Variants in SLC35D4 observed in about 807,000 individuals in gnomAD.
SLC35D4 encodes the protein UDP-N-acetylglucosamine transporter SLC35D4.
the SLC35D4 span, among the ~76,000 whole-genome samples, chr18:23,320,370 C>A: frequency 6.6e-6 from 1 of 152,310 alleles, no homozygotes; most frequent in Admixed American, 6.5e-5. Flanking sequence ...AAAACAGATT[C>A]TAATCTTGCA....
the SLC35D4 span, among the ~76,000 whole-genome samples, chr18:23,411,553 G>GAAAGAAAGAAAGAAAGA: frequency 6.6e-6 from 1 of 151,132 alleles, no homozygotes; most frequent in Non-Finnish European, 1.5e-5. Context: ...AAGAAAGAAA[G>GAAAGAAAGAAAGAAAGA]GTGTGTGCTG....
At chr18:23,282,930 C>G in the SLC35D4 span, among the ~76,000 whole-genome samples, 1 of 151,994 alleles carries the variant, frequency 6.6e-6, no homozygotes, top group Non-Finnish European at 1.5e-5. Context: ...TCAAAAATAA[C>G]ATCCTAAGCC....
chr18:23,289,753 G>A, the SLC35D4 span, among the ~76,000 whole-genome samples: 21,617 of 152,032 alleles, frequency 0.14, 1,906 homozygotes, highest in African/African-American at 0.25. Flanking sequence ...CACAAAAGAA[G>A]TGAAAATGGC....
the SLC35D4 span, among the ~76,000 whole-genome samples, chr18:23,320,172 T>C: frequency 6.6e-6 from 1 of 152,346 alleles, no homozygotes; most frequent in African/African-American, 2.4e-5. Context: ...ATTTCCCTCA[T>C]GTCTCTTATG....
chr18:23,419,736 C>G, the SLC35D4 span, among the ~76,000 whole-genome samples: 1 of 151,956 alleles, frequency 6.6e-6, no homozygotes. Flanking sequence ...AAAATACGGT[C>G]TTTAAATGAG....
At chr18:23,388,671 A>C in the SLC35D4 span, among the ~76,000 whole-genome samples, 1 of 152,176 alleles carries the variant, frequency 6.6e-6, no homozygotes, top group East Asian at 1.9e-4. Context: ...CTGTGTCCCC[A>C]CCCAAATCTT....
At chr18:23,332,378 T>C in the SLC35D4 span, among the ~76,000 whole-genome samples, 5 of 152,190 alleles carry the variant, frequency 3.3e-5, no homozygotes, top group African/African-American at 9.7e-5. Context: ...TTTGTTTCTC[T>C]TGGGTAAATA....
At chr18:23,356,766 T>A in the SLC35D4 span, 14 of 961,748 alleles carry the variant, frequency 1.5e-5, no homozygotes, top group Non-Finnish European at 2.2e-5. The surrounding 1 kb of genome is among the most constrained non-coding windows in gnomAD (Gnocchi z 4.1). Flanking sequence ...AGCAGTCCTG[T>A]GCTTTCAGTC....
At chr18:23,414,888 G>A in the SLC35D4 span, among the ~76,000 whole-genome samples, 1 of 152,268 alleles carries the variant, frequency 6.6e-6, no homozygotes, top group East Asian at 1.9e-4. Context: ...GCCATCAGGA[G>A]GACTGCTTGA....
the SLC35D4 span, among the ~76,000 whole-genome samples, chr18:23,241,669 C>G: frequency 6.6e-6 from 1 of 152,170 alleles, no homozygotes; most frequent in Non-Finnish European, 1.5e-5. Context: ...TTTTTAATTT[C>G]TCTTGGGGTA....
At chr18:23,412,533 C>A in the SLC35D4 span, among the ~76,000 whole-genome samples, 1 of 151,892 alleles carries the variant, frequency 6.6e-6, no homozygotes, top group Non-Finnish European at 1.5e-5. Flanking sequence ...CTTACTGCCC[C>A]CTTTCTCCCT....
the SLC35D4 span, among the ~76,000 whole-genome samples, chr18:23,372,746 T>G: frequency 2.6e-5 from 4 of 152,302 alleles, no homozygotes; most frequent in East Asian, 7.7e-4. Flanking sequence ...GGCCCCCCTG[T>G]GTGATAACAA....
chr18:23,347,365 AAC>A, the SLC35D4 span, among the ~76,000 whole-genome samples: 84 of 152,092 alleles, frequency 5.5e-4, no homozygotes, highest in African/African-American at 2.0e-3. Context: ...GATCAGTAGT[AAC>A]ATCTTTTTCA....
the SLC35D4 span, among the ~76,000 whole-genome samples, chr18:23,255,046 A>T: frequency 6.6e-6 from 1 of 152,072 alleles, no homozygotes; most frequent in Non-Finnish European, 1.5e-5. Context: ...AATAGTTTTG[A>T]TGGGCTGTGG....
At chr18:23,262,799 T>C in the SLC35D4 span, among the ~76,000 whole-genome samples, 2 of 152,196 alleles carry the variant, frequency 1.3e-5, no homozygotes, top group Non-Finnish European at 2.9e-5. Context: ...GATGAAGCAA[T>C]TGTCTGGTCC....
At chr18:23,434,687 AGGAGGCTGAGGTGTGT>A in the SLC35D4 span, among the ~76,000 whole-genome samples, 2 of 151,910 alleles carry the variant, frequency 1.3e-5, no homozygotes, top group Non-Finnish European at 2.9e-5. Context: ...CCAGCTACTG[AGGAGGCTGAGGTGTGT>A]GGATCGCTTG....
At chr18:23,357,809 T>A in the SLC35D4 span, among the ~76,000 whole-genome samples, 1 of 152,214 alleles carries the variant, frequency 6.6e-6, no homozygotes, top group South Asian at 2.1e-4. Flanking sequence ...ATGACTGTTA[T>A]TTTCTTTGTG....
the SLC35D4 span, among the ~76,000 whole-genome samples, chr18:23,313,153 A>AAAAAAAAAAAAAAC: frequency 6.8e-6 from 1 of 146,546 alleles, no homozygotes; most frequent in South Asian, 2.1e-4. Flanking sequence ...AAAAAAAAAA[A>AAAAAAAAAAAAAAC]AAAAGAACCT....
the SLC35D4 span, among the ~76,000 whole-genome samples, chr18:23,244,220 G>C: frequency 1.2e-3 from 189 of 152,326 alleles, 1 homozygote; most frequent in Admixed American, 2.5e-3. Flanking sequence ...ACTACTCCAG[G>C]AGTCCTGTAG....
Sources: gnomAD v4.1 joint callset for allele counts (sites outside exome capture counted in the v4.1 genomes callset) on GRCh38, gnomAD v4.1.1 for gene constraint, Gnocchi (gnomAD v3.1) non-coding constraint, MANE v1.5 for transcripts, NCBI Gene and HGNC (gene_info 2026-07-23, HGNC 2026-07-21) for gene names.